The following HACL2 variants were observed in gnomAD, a reference collection of about 807,000 sequenced individuals.
HACL2 encodes the protein 2-hydroxyacyl-CoA lyase 2, also known as 2-hydroxyacyl-CoA lyase 1 like.
the HACL2 span, among the ~76,000 whole-genome samples, chr19:15,118,911 A>G: frequency 6.6e-6 from 1 of 152,180 alleles, no homozygotes; most frequent in African/African-American, 2.4e-5. Flanking sequence ...AACCACAGCT[A>G]CCACCTACCT....
chr19:15,119,509 G>A, the HACL2 span: 58 of 1,613,404 alleles, frequency 3.6e-5, no homozygotes, highest in Middle Eastern at 3.3e-4. Flanking sequence ...TCCACACAGC[G>A]CTGAACCTGG....
chr19:15,117,827 G>A, the HACL2 span: 2 of 1,591,810 alleles, frequency 1.3e-6, no homozygotes, highest in Admixed American at 1.7e-5. Flanking sequence ...CAGAAACCAG[G>A]AGGAGAGGGA....
At chr19:15,118,933 C>T in the HACL2 span, among the ~76,000 whole-genome samples, 3 of 152,180 alleles carry the variant, frequency 2.0e-5, no homozygotes, top group African/African-American at 7.2e-5. Context: ...ATAGGTGGAT[C>T]TTGAGAAATC....
the HACL2 span, chr19:15,125,582 G>C: frequency 1.3e-5 from 2 of 155,404 alleles, no homozygotes; most frequent in African/African-American, 4.8e-5. Flanking sequence ...CCGACCCCGG[G>C]CCAGGCTGGG....
At chr19:15,125,073 A>G in the HACL2 span, 2 of 1,529,734 alleles carry the variant, frequency 1.3e-6, no homozygotes, top group Admixed American at 2.2e-5. Context: ...GTGGTACCTA[A>G]GAGAGAAAGG....
At chr19:15,121,334 G>A in the HACL2 span, among the ~76,000 whole-genome samples, 3 of 152,298 alleles carry the variant, frequency 2.0e-5, no homozygotes, top group Non-Finnish European at 4.4e-5. Context: ...CACATCCGGA[G>A]TACAGGAGCC....
At chr19:15,122,912 G>C in the HACL2 span, 1 of 1,608,884 alleles carries the variant, frequency 6.2e-7, no homozygotes, top group Non-Finnish European at 8.5e-7. The surrounding 1 kb of genome is among the most constrained non-coding windows in gnomAD (Gnocchi z 4.0). Flanking sequence ...CGACTGGGCG[G>C]CAGCCATCGC....
chr19:15,123,797 G>C, the HACL2 span: 2 of 583,174 alleles, frequency 3.4e-6, no homozygotes. This position sits in a 1 kb window ranked among gnomAD's most constrained non-coding sequence, Gnocchi z 5.1. Flanking sequence ...TTACAGCTGA[G>C]GACATCAAGG....
chr19:15,123,558 G>A, the HACL2 span: 23 of 1,614,064 alleles, frequency 1.4e-5, no homozygotes, highest in East Asian at 8.9e-5. This position sits in a 1 kb window ranked among gnomAD's most constrained non-coding sequence, Gnocchi z 5.1. Context: ...CCGCCATGCC[G>A]GACGCTTGCC....
chr19:15,121,864 G>A, the HACL2 span, among the ~76,000 whole-genome samples: 2 of 149,700 alleles, frequency 1.3e-5, no homozygotes, highest in South Asian at 4.2e-4. Context: ...AAGGAAAGGA[G>A]GAGGAAGGAG....
chr19:15,125,144 C>A, the HACL2 span: 1 of 1,364,330 alleles, frequency 7.3e-7, no homozygotes. Flanking sequence ...CCCCTTCTCG[C>A]AGCAGGATCC....
chr19:15,118,167 C>G, the HACL2 span: 31 of 928,090 alleles, frequency 3.3e-5, no homozygotes, highest in African/African-American at 5.0e-4. Flanking sequence ...GCTCCCCACA[C>G]CCCCTGAATC....
chr19:15,121,874 G>A, the HACL2 span, among the ~76,000 whole-genome samples: 3 of 147,828 alleles, frequency 2.0e-5, no homozygotes, highest in Non-Finnish European at 4.5e-5. Context: ...GGAGGAAGGA[G>A]AGGGCTCGAG....
chr19:15,116,229 A>G, the HACL2 span: 8 of 1,613,810 alleles, frequency 5.0e-6, no homozygotes, highest in Admixed American at 1.3e-4. Context: ...GCCATCCACC[A>G]CCAGAATTGA....
the HACL2 span, chr19:15,123,053 AG>A: frequency 6.2e-7 from 1 of 1,608,216 alleles, no homozygotes; most frequent in Non-Finnish European, 8.5e-7. This position sits in a 1 kb window ranked among gnomAD's most constrained non-coding sequence, Gnocchi z 5.1. Flanking sequence ...GAGGTGTGGC[AG>A]GGTTATCGCA....
the HACL2 span, chr19:15,122,964 A>G: frequency 6.2e-7 from 1 of 1,604,060 alleles, no homozygotes; most frequent in South Asian, 1.1e-5. The surrounding 1 kb of genome is among the most constrained non-coding windows in gnomAD (Gnocchi z 4.0). Flanking sequence ...CTCCGCACAG[A>G]CACACAAAAC....
the HACL2 span, chr19:15,122,775 C>T: frequency 2.7e-5 from 44 of 1,614,008 alleles, no homozygotes; most frequent in Admixed American, 8.3e-5. This position sits in a 1 kb window ranked among gnomAD's most constrained non-coding sequence, Gnocchi z 4.0. Context: ...GGGTACAGCA[C>T]GTCAACGGGC....
the HACL2 span, chr19:15,122,630 G>A: frequency 2.0e-5 from 27 of 1,374,164 alleles, no homozygotes; most frequent in Non-Finnish European, 2.4e-5. The surrounding 1 kb of genome is among the most constrained non-coding windows in gnomAD (Gnocchi z 4.0). Flanking sequence ...GATGGGTGTG[G>A]GCTGGAAGCT....
At chr19:15,121,972 A>T in the HACL2 span, among the ~76,000 whole-genome samples, 1 of 141,250 alleles carries the variant, frequency 7.1e-6, no homozygotes, top group East Asian at 2.1e-4. Context: ...ATCTTGGCTC[A>T]CTGCAAGCTC....
Sources: allele counts gnomAD v4.1 joint callset (sites outside exome capture counted in the v4.1 genomes callset), GRCh38; gene constraint gnomAD v4.1.1; non-coding constraint Gnocchi (gnomAD v3.1); transcripts MANE v1.5; gene names NCBI Gene and HGNC (gene_info 2026-07-23, HGNC 2026-07-21).